Variants in GALNT2 observed in about 807,000 individuals in gnomAD.
The protein encoded by GALNT2 is UDP-GalNAc:polypeptide N-acetylgalactosaminyltransferase 2.
In GALNT2, 31 loss-of-function variants were observed where a neutral mutation model predicts 81.4. The observed-to-expected ratio is 0.38, with a 90% CI of 0.29 to 0.51. The LOEUF (loss-of-function observed/expected upper bound fraction) is 0.51. GALNT2 is among the 20% of genes least tolerant of loss of function. The probability of loss-of-function intolerance (pLI) is 0.87; values close to 1 mark genes in which losing one functional copy is unlikely to be tolerated. For synonymous variants in GALNT2, 303 were observed against 287.4 expected (o/e 1.05, Z -0.55); for missense variants, 629 against 765.7 (o/e 0.82, Z 2.11).
chr1:230,262,195 G>T (rs1665897038), intron 11 of GALNT2: 1 of 186,740 alleles, frequency 5.4e-6, no homozygotes, highest in African/African-American at 2.4e-5. Context: ...TGTGGCCCCG[G>T]CCCTCTGTGG....
chr1:230,203,376 C>A, intron 3 of GALNT2, 86 bp downstream of exon 3: 1 of 1,428,486 alleles, frequency 7.0e-7, no homozygotes, highest in Non-Finnish European at 9.7e-7. Flanking sequence ...ACTAGAACTT[C>A]TCCATTACTC....
chr1:230,132,724 G>A (rs1661406001), intron 1 of GALNT2, among the ~76,000 whole-genome samples: 1 of 152,222 alleles, frequency 6.6e-6, no homozygotes, highest in South Asian at 2.1e-4. Flanking sequence ...TTAAAAAAAT[G>A]TGACTATTTT....
intron 1 of GALNT2, among the ~76,000 whole-genome samples, chr1:230,144,154 T>C (rs1369894526): frequency 6.6e-6 from 1 of 152,146 alleles, no homozygotes; most frequent in African/African-American, 2.4e-5. Flanking sequence ...GTAGGAGACG[T>C]CTCCGTGCTG....
upstream of GALNT2, among the ~76,000 whole-genome samples, chr1:230,065,749 T>C (rs1372689159): frequency 6.6e-6 from 1 of 152,200 alleles, no homozygotes; most frequent in Non-Finnish European, 1.5e-5. Context: ...TGTCTTCTCT[T>C]TCATTTCTGC....
intron 2 of GALNT2, among the ~76,000 whole-genome samples, chr1:230,200,642 C>G (rs1279679274): frequency 6.6e-6 from 1 of 152,312 alleles, no homozygotes; most frequent in South Asian, 2.1e-4. Flanking sequence ...GGGATTGAAG[C>G]TTCTAGAGCT....
chr1:230,279,606 A>G lies in GALNT2; in HGVS notation c.*148A>G, dbSNP rs1007421009. ...TCTGAAAGTCAAACTTCGGCAAGGC[A>G]CGGACGACTGTGCAGACACAGCAGC... On this transcript the variant is annotated 3_prime_UTR_variant, in exon 16 of 16. Transcript: ENST00000366672. This position sits in a 1 kb window ranked among gnomAD's most constrained non-coding sequence, Gnocchi z 4.6. The G allele has an allele frequency of 3.0e-5, 30 of 1,006,750 alleles. No individual in the cohort carries two copies. In the African/African-American group the frequency reaches 3.6e-4, roughly 12 times the overall value. 62.4% of individuals were successfully genotyped at this position (1,006,750 alleles called of 1,614,324 possible).
intron 1 of GALNT2, among the ~76,000 whole-genome samples, chr1:230,146,725 G>A (rs373038669): frequency 1.3e-5 from 2 of 152,230 alleles, no homozygotes; most frequent in East Asian, 3.8e-4. Flanking sequence ...TGCAGGGGGA[G>A]GGGTGGGAAG....
At chr1:230,252,933 G>A (rs1414863282) in intron 10 of GALNT2, among the ~76,000 whole-genome samples, 8 of 133,952 alleles carry the variant, frequency 6.0e-5, no homozygotes, top group African/African-American at 1.1e-4. Context: ...CGCAACGTTC[G>A]CCTCCCGGGT....
intron 2 of GALNT2, among the ~76,000 whole-genome samples, chr1:230,181,669 C>T (rs1235313108): frequency 2.0e-5 from 3 of 152,158 alleles, no homozygotes; most frequent in Admixed American, 6.5e-5. Flanking sequence ...GGATTACAGG[C>T]GTGAGCCAGC....
chr1:230,088,923 T>A (rs1021307768), intron 1 of GALNT2, among the ~76,000 whole-genome samples: 34 of 152,226 alleles, frequency 2.2e-4, no homozygotes, highest in Non-Finnish European at 4.6e-4. Context: ...ATCTCCCCAG[T>A]CCCTGGCAAC....
chr1:230,260,783 T>C (rs1665853723), intron 11 of GALNT2, among the ~76,000 whole-genome samples: 1 of 152,346 alleles, frequency 6.6e-6, no homozygotes, highest in Non-Finnish European at 1.5e-5. Flanking sequence ...TGTATATTTT[T>C]TAATAGAGAG....
At chr1:230,122,119 A>G (rs1387846808) in intron 1 of GALNT2, among the ~76,000 whole-genome samples, 1 of 151,916 alleles carries the variant, frequency 6.6e-6, no homozygotes, top group African/African-American at 2.4e-5. Flanking sequence ...TACATTATGA[A>G]CAGGTTGTTT....
rs151097882 is a variant in GALNT2 at position 230,262,970 on chromosome 1, C to T, written c.1278C>T (p.Phe426=). 9.2e-5 allele frequency: 149 copies of T among 1,614,206 alleles called. No homozygotes were observed. The African/African-American group carries it at 1.8e-3, about 20-fold the overall frequency. The change falls in exon 13 of 16, where the codon TTC becomes TTT. Residue 426 remains phenylalanine, a synonymous_variant. Coordinates refer to ENST00000366672, the MANE Select transcript of GALNT2 (RefSeq NM_004481.5). ...ELRKKLSCKP[F]KWYLENVYPE... ...GGAAGAAACTCAGCTGCAAGCCTTT[C>T]AAATGGTACCTTGAAAATGTCTATC... is the stretch of plus-strand genomic sequence containing the variant.
intron 1 of GALNT2, among the ~76,000 whole-genome samples, chr1:230,141,956 TTTTG>T (rs1661754979): frequency 6.6e-6 from 1 of 151,844 alleles, no homozygotes; most frequent in Non-Finnish European, 1.5e-5. Context: ...CAGGCAAATT[TTTTG>T]TTTGTTTTTT....
chr1:230,090,808 G>A (rs1365956127), intron 1 of GALNT2, among the ~76,000 whole-genome samples: 1 of 152,176 alleles, frequency 6.6e-6, no homozygotes, highest in Non-Finnish European at 1.5e-5. Context: ...GTAAGAGAGA[G>A]ACCCTTGGGC....
At chr1:230,231,252 T>C (rs1485640918) in intron 3 of GALNT2, among the ~76,000 whole-genome samples, 2 of 152,212 alleles carry the variant, frequency 1.3e-5, no homozygotes, top group African/African-American at 2.4e-5. Context: ...TTCAGAGTCC[T>C]TTTTCACACG....
chr1:230,117,044 G>A (rs138110721), intron 1 of GALNT2, among the ~76,000 whole-genome samples: 1 of 152,200 alleles, frequency 6.6e-6, no homozygotes, highest in African/African-American at 2.4e-5. Flanking sequence ...CTTCATCAGG[G>A]ATCTCAGTTA....
At chr1:230,226,619 T>C (rs1366207563) in intron 3 of GALNT2, among the ~76,000 whole-genome samples, 3 of 152,208 alleles carry the variant, frequency 2.0e-5, no homozygotes, top group African/African-American at 7.2e-5. Flanking sequence ...CTGCTCCATC[T>C]TTCCGAACAC....
At chr1:230,095,154 G>A (rs1660215271) in intron 1 of GALNT2, among the ~76,000 whole-genome samples, 1 of 152,034 alleles carries the variant, frequency 6.6e-6, no homozygotes. Context: ...CAACAAGCAG[G>A]GAGAGCTAGT....
Sources: allele counts gnomAD v4.1 joint callset (sites outside exome capture counted in the v4.1 genomes callset), GRCh38; gene constraint gnomAD v4.1.1; non-coding constraint Gnocchi (gnomAD v3.1); transcripts MANE v1.5; gene names NCBI Gene and HGNC (gene_info 2026-07-23, HGNC 2026-07-21).